ERP44: variants seen among roughly 807,000 people sequenced by gnomAD.
The protein encoded by ERP44 is endoplasmic reticulum protein 44.
In ERP44, 25 loss-of-function variants were observed where a neutral mutation model predicts 53.4. The ratio of observed to expected loss-of-function variants is 0.47; its 90% CI spans 0.34 to 0.65. The LOEUF is 0.65. Ranked by LOEUF, ERP44 falls within the 30% of genes least tolerant of loss-of-function variation. The pLI is 0.01. For missense variants in ERP44, 338 were observed against 493.2 expected, an observed-to-expected ratio of 0.69 and a Z score of 2.98; for synonymous variants, 145 against 161.2, an observed-to-expected ratio of 0.90 and a Z score of 0.76.
intron 10 of ERP44, among the ~76,000 whole-genome samples, chr9:99,995,920 C>CTTT (rs34632626): frequency 1.3e-4 from 16 of 121,430 alleles, no homozygotes; most frequent in Non-Finnish European, 1.4e-4. Context: ...TAGGGTAGTT[C>CTTT]TTTTTTTTTT....
At chr9:99,991,155 A>T (rs1453161308) in intron 10 of ERP44, among the ~76,000 whole-genome samples, 5 of 152,196 alleles carry the variant, frequency 3.3e-5, no homozygotes, top group African/African-American at 9.7e-5. Flanking sequence ...TCAGCTCCAC[A>T]CCAAGCTGAC....
rs775953491 is a variant in ERP44, at chr9:100,022,236, T to A, written c.287-10A>T. ...CTCTGGGCTATGTCAGCTAAAAGAA[T>A]GAAAAAAAATTATTTACCCTCATAT... is the stretch of plus-strand genomic sequence containing the variant. On this transcript the variant is annotated splice_polypyrimidine_tract_variant and intron_variant, in intron 4 of 11. Coordinates refer to ENST00000262455, the MANE Select transcript of ERP44 (RefSeq NM_015051.3). The A allele has an allele frequency of 6.9e-6, 11 of 1,597,008 alleles. No homozygotes were observed. Among genetic ancestry groups the A allele is most frequent in the Admixed American group, 5.4e-5 (3 of 56,010 alleles).
chr9:99,980,405 G>C lies in ERP44; in HGVS notation c.*2207C>G, dbSNP rs1303077652. 1 of 208,870 alleles carries C rather than the reference G, an allele frequency of 4.8e-6. No homozygotes were observed. Among genetic ancestry groups the C allele is most frequent in the Non-Finnish European group, 9.4e-6 (1 of 105,960 alleles). The allele number at this position is 208,870 out of a possible 1,614,324, so 12.9% of individuals were successfully genotyped here. On this transcript the variant is annotated 3_prime_UTR_variant, in exon 12 of 12. Coordinates refer to ENST00000262455, the MANE Select transcript of ERP44 (RefSeq NM_015051.3). ...TCAAGCCCTGGGATCCAGATAGACA[G>C]TGCCAGCATTTCAAATAATATCTAA...
At chr9:100,098,706 G>C in intron 1 of ERP44, 78 bp downstream of exon 1, 1 of 1,167,808 alleles carries the variant, frequency 8.6e-7, no homozygotes, top group Non-Finnish European at 1.3e-6. Context: ...GCAGGGGCAG[G>C]AGTAGCAGTG....
chr9:100,078,615 C>T (rs1564104784), intron 1 of ERP44, among the ~76,000 whole-genome samples: 2 of 151,816 alleles, frequency 1.3e-5, no homozygotes, highest in Non-Finnish European at 2.9e-5. Context: ...ATTAGCTGGG[C>T]GTGGTAGCAG....
chr9:100,009,204 C>T (rs1036176325), intron 8 of ERP44, among the ~76,000 whole-genome samples: 8 of 152,140 alleles, frequency 5.3e-5, no homozygotes, highest in Non-Finnish European at 7.4e-5. Flanking sequence ...CTCTGCCTCC[C>T]GTGTTCAAAC....
chr9:100,059,971 A>G, intron 2 of ERP44, 129 bp downstream of exon 2: 1 of 765,842 alleles, frequency 1.3e-6, no homozygotes, highest in Non-Finnish European at 1.8e-6. Context: ...AAAGTCATGG[A>G]ATTAATCAGA....
At chr9:100,031,901 C>A (rs952172474) in intron 4 of ERP44, among the ~76,000 whole-genome samples, 1 of 152,034 alleles carries the variant, frequency 6.6e-6, no homozygotes, top group Admixed American at 6.5e-5. Flanking sequence ...TGTTATCTGA[C>A]GTTTTTGACT....
At chr9:100,000,088 G>C (rs1197131818) in intron 10 of ERP44, among the ~76,000 whole-genome samples, 1 of 152,078 alleles carries the variant, frequency 6.6e-6, no homozygotes, top group Non-Finnish European at 1.5e-5. Context: ...ATATTACCCT[G>C]TAATTTTCTT....
intron 3 of ERP44, among the ~76,000 whole-genome samples, chr9:100,056,793 T>C (rs1210995582): frequency 6.6e-6 from 1 of 152,142 alleles, no homozygotes; most frequent in Non-Finnish European, 1.5e-5. Flanking sequence ...AAGTTTAGTA[T>C]AACTGGAGCA....
intron 3 of ERP44, among the ~76,000 whole-genome samples, chr9:100,055,364 T>C (rs911955460): frequency 2.0e-5 from 3 of 152,174 alleles, no homozygotes; most frequent in Non-Finnish European, 2.9e-5. Context: ...TGATGTGTGT[T>C]TTTTTTGTTT....
chr9:100,039,355 A>G (rs1026819703), intron 4 of ERP44, among the ~76,000 whole-genome samples: 5 of 152,192 alleles, frequency 3.3e-5, no homozygotes, highest in Non-Finnish European at 7.4e-5. Flanking sequence ...ATGACAATGG[A>G]ATAAAACTAG....
chr9:99,986,695 C>T (rs1266999436), intron 10 of ERP44, among the ~76,000 whole-genome samples: 27 of 152,164 alleles, frequency 1.8e-4, no homozygotes. Context: ...CCCATTTTGG[C>T]TCCCCACTAG....
intron 4 of ERP44, among the ~76,000 whole-genome samples, chr9:100,029,944 C>T (rs773159746): frequency 6.6e-6 from 1 of 151,992 alleles, no homozygotes; most frequent in African/African-American, 2.4e-5. Flanking sequence ...AAAAATTAGC[C>T]GGGCGTGGTG....
chr9:99,995,862 G>A (rs191219561), intron 10 of ERP44, among the ~76,000 whole-genome samples: 77 of 149,600 alleles, frequency 5.1e-4, no homozygotes, highest in Non-Finnish European at 9.8e-4. Context: ...TCAACAGATT[G>A]ATTTCCTATC....
intron 10 of ERP44, 94 bp from the exon 11 acceptor site, chr9:99,985,163 T>C (rs1255770144): frequency 1.5e-5 from 11 of 747,684 alleles, no homozygotes; most frequent in Non-Finnish European, 2.5e-5. Context: ...TGCTAACCTA[T>C]AGTCCCACCA....
chr9:99,984,826 G>T, intron 11 of ERP44, 141 bp downstream of exon 11: 1 of 552,918 alleles, frequency 1.8e-6, no homozygotes, highest in Non-Finnish European at 3.2e-6. Context: ...TAATTTAAAA[G>T]GTTAATTTCT....
chr9:100,025,242 A>G (rs1172822138), intron 4 of ERP44, among the ~76,000 whole-genome samples: 2 of 152,350 alleles, frequency 1.3e-5, no homozygotes, highest in East Asian at 3.9e-4. Flanking sequence ...ACTATTCCAG[A>G]GAATACAAAA....
intron 1 of ERP44, among the ~76,000 whole-genome samples, chr9:100,098,110 G>A (rs1266854129): frequency 2.6e-5 from 4 of 152,192 alleles, no homozygotes; most frequent in Non-Finnish European, 4.4e-5. Context: ...ATGCTGAGCA[G>A]GTTAGGCAGT....
Sources: gnomAD v4.1 joint callset for allele counts (sites outside exome capture counted in the v4.1 genomes callset) on GRCh38, gnomAD v4.1.1 for gene constraint, MANE v1.5 for transcripts, NCBI Gene and HGNC (gene_info 2026-07-23, HGNC 2026-07-21) for gene names.